The following UTRN variants were observed in gnomAD, a reference collection of about 807,000 sequenced individuals.
The protein encoded by UTRN is dystrophin-related protein 1.
In UTRN, 283 loss-of-function variants were observed where a neutral mutation model predicts 463.9. The observed-to-expected ratio is 0.61, with a 90% confidence interval of 0.55 to 0.67. UTRN has a LOEUF of 0.67. Ranked by LOEUF, UTRN falls within the 30% of genes least tolerant of loss-of-function variation. UTRN has a pLI of 0.00. For synonymous variants in UTRN, 1,442 were observed against 1,431.5 expected, an observed-to-expected ratio of 1.01 and a Z score of -0.17; for missense variants, 3,922 against 4,084.3, an observed-to-expected ratio of 0.96 and a Z score of 1.08.
At chr6:144,712,093 TG>T (rs552320498) in intron 53 of UTRN, among the ~76,000 whole-genome samples, 1 of 152,170 alleles carries the variant, frequency 6.6e-6, no homozygotes, top group Non-Finnish European at 1.5e-5. Context: ...TTGCCTACAG[TG>T]GGAAACTTGT....
At chr6:144,779,747 G>A (rs886893659) in intron 60 of UTRN, among the ~76,000 whole-genome samples, 9 of 152,178 alleles carry the variant, frequency 5.9e-5, no homozygotes, top group Non-Finnish European at 8.8e-5. Context: ...AGCGTCAACT[G>A]TACAGGGCAA....
chr6:144,444,116 A>T lies in UTRN; in HGVS notation c.1513-165A>T, dbSNP rs538690685. ...ATGGAAATTAGTTTTTCTGATTCAT[A>T]CATTTCTAGGCCTAGTCTGTTATTT... On this transcript the variant is annotated intron_variant, in intron 13 of 74. Coordinates refer to ENST00000367545, the MANE Select transcript of UTRN (RefSeq NM_007124.3). Among the ~76,000 whole-genome samples the T allele has an allele frequency of 3.4e-4, 52 of 152,314 alleles. 1 individual carries two copies. In the South Asian group the frequency reaches 0.01, roughly 30 times the overall value.
intron 3 of UTRN, among the ~76,000 whole-genome samples, chr6:144,420,833 A>G (rs915720923): frequency 6.6e-5 from 10 of 152,206 alleles, no homozygotes; most frequent in Non-Finnish European, 1.2e-4. Flanking sequence ...GACAGTCCTT[A>G]TACTTTTAGT....
chr6:144,762,018 T>C (rs898867379), intron 58 of UTRN, among the ~76,000 whole-genome samples: 7 of 152,222 alleles, frequency 4.6e-5, no homozygotes, highest in Non-Finnish European at 7.3e-5. Context: ...AACAGTCATT[T>C]ATTTGCCAGG....
intron 2 of UTRN, among the ~76,000 whole-genome samples, chr6:144,300,372 G>A (rs777127649): frequency 1.3e-5 from 2 of 152,202 alleles, no homozygotes; most frequent in African/African-American, 2.4e-5. Flanking sequence ...ATACAGGCAT[G>A]AGCCATGGTT....
chr6:144,438,511 C>G (rs1398330992), intron 11 of UTRN, among the ~76,000 whole-genome samples: 2 of 152,186 alleles, frequency 1.3e-5, no homozygotes, highest in African/African-American at 4.8e-5. Flanking sequence ...AACAATGATT[C>G]TGATATGAAT....
chr6:144,331,446 G>A (rs968712373), intron 2 of UTRN, among the ~76,000 whole-genome samples: 4 of 152,104 alleles, frequency 2.6e-5, no homozygotes, highest in South Asian at 2.1e-4. Flanking sequence ...AAGATTTACC[G>A]AAAAGTGTCT....
intron 41 of UTRN, 108 bp downstream of exon 41, chr6:144,523,296 T>TACAAGGATA: frequency 1.1e-6 from 1 of 880,208 alleles, no homozygotes; most frequent in Non-Finnish European, 1.6e-6. Flanking sequence ...TTTCATATCC[T>TACAAGGATA]TGTAGGATGC....
chr6:144,437,682 C>G lies in UTRN; in HGVS notation c.1177C>G (p.Gln393Glu), dbSNP rs773378591. The change falls in exon 11 of 75, where the codon CAG (glutamine) becomes GAG (glutamate). Residue 393 changes from glutamine (Q) to glutamate (E), a missense_variant. Coordinates refer to ENST00000367545, the MANE Select transcript of UTRN (RefSeq NM_007124.3). ...SDEEEFEIQE[Q>E]MTLLNARWEA... The stretch of plus-strand genomic sequence containing the variant: ...CGAAGAAGAATTTGAGATTCAGGAA[C>G]AGATGACCCTGCTGAATGCTAGATG... 1.4e-5 allele frequency: 22 copies of G among 1,614,046 alleles called. No individual in the cohort carries two copies. The highest frequency in any genetic ancestry group is 1.7e-5 in the Non-Finnish European group (20 of 1,180,042).
intron 54 of UTRN, among the ~76,000 whole-genome samples, chr6:144,735,600 T>C (rs1173655173): frequency 2.6e-5 from 4 of 152,054 alleles, no homozygotes; most frequent in Admixed American, 6.5e-5. Flanking sequence ...GGGAAAAAAA[T>C]AAGAAGTTCA....
chr6:144,293,669 A>G (rs1390682220), intron 2 of UTRN, among the ~76,000 whole-genome samples: 1 of 152,156 alleles, frequency 6.6e-6, no homozygotes, highest in African/African-American at 2.4e-5. Flanking sequence ...TATTTCCCAA[A>G]GTATTTCGAA....
intron 2 of UTRN, among the ~76,000 whole-genome samples, chr6:144,320,025 T>G (rs751404743): frequency 6.6e-5 from 10 of 152,062 alleles, no homozygotes; most frequent in Admixed American, 4.6e-4. Context: ...GGCTAGTTTT[T>G]GTATTTTTGG....
chr6:144,533,322 A>G (rs1342468235), intron 43 of UTRN, 62 bp downstream of exon 43: 15 of 1,571,988 alleles, frequency 9.5e-6, no homozygotes, highest in South Asian at 2.4e-5. Context: ...GAATCTTTTA[A>G]GATGCAATCT....
At chr6:144,402,408 G>A (rs1783007652) in intron 2 of UTRN, among the ~76,000 whole-genome samples, 1 of 152,156 alleles carries the variant, frequency 6.6e-6, no homozygotes, top group South Asian at 2.1e-4. Context: ...TGGACTCCTT[G>A]TATGTAACCA....
At chr6:144,334,737 C>T (rs555201520) in intron 2 of UTRN, among the ~76,000 whole-genome samples, 53 of 152,312 alleles carry the variant, frequency 3.5e-4, no homozygotes, top group Admixed American at 5.9e-4. Flanking sequence ...GCAATGCTCT[C>T]GAAAGCCAGG....
chr6:144,314,263 G>T (rs1775133973), intron 2 of UTRN, among the ~76,000 whole-genome samples: 1 of 152,180 alleles, frequency 6.6e-6, no homozygotes, highest in Non-Finnish European at 1.5e-5. Flanking sequence ...TTGATGGCTT[G>T]GGTTGTCTGA....
At chr6:144,504,708 C>T (rs771453002) in intron 34 of UTRN, among the ~76,000 whole-genome samples, 1 of 152,140 alleles carries the variant, frequency 6.6e-6, no homozygotes, top group Non-Finnish European at 1.5e-5. Context: ...GGGATATTGG[C>T]CTGAAATTTT....
chr6:144,540,289 C>G (rs781722043), intron 45 of UTRN, among the ~76,000 whole-genome samples: 6 of 152,002 alleles, frequency 3.9e-5, no homozygotes, highest in Admixed American at 6.5e-5. Context: ...TGACCTGGTA[C>G]ACACCATTTC....
intron 2 of UTRN, among the ~76,000 whole-genome samples, chr6:144,304,768 G>A (rs113835763): frequency 0.06 from 9,144 of 152,034 alleles, 886 homozygotes; most frequent in African/African-American, 0.21. Context: ...TGTATCCTAA[G>A]CATAATGGTG....
Sources: gnomAD v4.1 joint callset for allele counts (sites outside exome capture counted in the v4.1 genomes callset) on GRCh38, gnomAD v4.1.1 for gene constraint, MANE v1.5 for transcripts, NCBI Gene and HGNC (gene_info 2026-07-23, HGNC 2026-07-21) for gene names.